Variants in RARS1 observed in about 807,000 individuals in gnomAD.
The protein encoded by RARS1 is arginyl-tRNA synthetase 1.
RARS1 carries 75 observed loss-of-function variants against 78.7 expected under a neutral mutation model. The observed-to-expected ratio is 0.95, with a 90% confidence interval of 0.79 to 1.15. The LOEUF is 1.15. Among genes scored for constraint, RARS1 ranks in the 50% most tolerant of loss-of-function variants. The probability of loss-of-function intolerance (pLI) is 0.00; values close to 1 mark genes in which losing one functional copy is unlikely to be tolerated. For synonymous variants in RARS1, 273 were observed against 268.2 expected, an observed-to-expected ratio of 1.02 and a Z score of -0.18; for missense variants, 787 against 787.5, an observed-to-expected ratio of 1.00 and a Z score of 0.01.
At chr5:168,510,746 TTTA>T (rs1758548284) in intron 12 of RARS1, 60 bp downstream of exon 12, 1 of 1,308,210 alleles carries the variant, frequency 7.6e-7, no homozygotes. Context: ...CATTTTTGTT[TTTA>T]TTGAGAGAAC....
chr5:168,494,431 G>C (rs1758141575), intron 4 of RARS1, 119 bp from the exon 5 acceptor site: 1 of 1,503,430 alleles, frequency 6.7e-7, no homozygotes, highest in Admixed American at 2.2e-5. Context: ...GGCCACAACT[G>C]GTATTGGAAT....
At chr5:168,510,811 C>A in intron 12 of RARS1, 125 bp downstream of exon 12, 1 of 579,872 alleles carries the variant, frequency 1.7e-6, no homozygotes. Context: ...TTATATTGCT[C>A]TGACTTTATT....
rs193466 is a variant in RARS1, at chr5:168,486,598, C to G, written c.45+55C>G. On this transcript the variant is annotated intron_variant, in intron 1 of 14. Coordinates refer to ENST00000231572, the MANE Select transcript of RARS1 (RefSeq NM_002887.4). ...CTGAAAGAGATGGAGCAGGCTCTGA[C>G]TCCTGCCCAAGCGGCTTCGGGGGCG... is the stretch of plus-strand genomic sequence containing the variant. The G allele has an allele frequency of 4.9e-5, 76 of 1,541,858 alleles. No homozygotes were observed. In the South Asian group the frequency reaches 6.6e-4, roughly 13 times the overall value.
In RARS1 at chr5:168,518,071, C is replaced by CATTTTTTTTTTT; in HGVS notation, c.1873+9_1873+10insATTTTTTTTTTT. ...GAAAGATAGACAGACTGGTGAGTGTCTTTTTTTTTTTTTTTTTTTTTTTTA... is the reference window on the plus strand; with the variant it reads ...GAAAGATAGACAGACTGGTGAGTGTCATTTTTTTTTTTTTTTTTTTTTTTTTTTTTTTTTTTA... On this transcript the variant is annotated intron_variant, in intron 14 of 14. Coordinates refer to ENST00000231572, the MANE Select transcript of RARS1 (RefSeq NM_002887.4). 1 of 747,560 alleles carries CATTTTTTTTTTT rather than the reference C, an allele frequency of 1.3e-6. No homozygotes were observed. The highest frequency in any genetic ancestry group is 1.6e-6 in the Non-Finnish European group (1 of 622,936). 46.3% of individuals were successfully genotyped at this position (747,560 alleles called of 1,614,324 possible).
intron 9 of RARS1, among the ~76,000 whole-genome samples, chr5:168,504,105 A>C (rs1758386421): frequency 1.3e-5 from 2 of 149,356 alleles, no homozygotes; most frequent in Admixed American, 1.3e-4. Context: ...AGAGAGGTCG[A>C]GCATGGCAGC....
intron 11 of RARS1, among the ~76,000 whole-genome samples, chr5:168,507,143 CTA>C (rs1220346456): frequency 6.6e-6 from 1 of 152,160 alleles, no homozygotes; most frequent in Non-Finnish European, 1.5e-5. Context: ...ATTTCAGACA[CTA>C]TTCAACAATA....
At position 168,518,092 on chromosome 5, in the gene RARS1, TTTTAG is replaced by T. The variant is rs1001061576; in HGVS notation, c.1873+32_1873+36del. ...GTGTCTTTTTTTTTTTTTTTTTTTTTTTTAGTGAGAGACACGGATCTTGCTCTGTC... is the reference window on the plus strand; with the variant it reads ...GTGTCTTTTTTTTTTTTTTTTTTTTTTGAGAGACACGGATCTTGCTCTGTC... On this transcript the variant is annotated intron_variant, in intron 14 of 14. Transcript: ENST00000231572. The T allele has an allele frequency of 2.1e-6, 3 of 1,424,100 alleles. No individual in the cohort carries two copies. The African/African-American group carries it at 4.7e-5, about 22-fold the overall frequency. 88.2% of individuals were successfully genotyped at this position (1,424,100 alleles called of 1,614,324 possible).
chr5:168,497,616 G>A (rs2152904216), intron 7 of RARS1, among the ~76,000 whole-genome samples: 1 of 152,188 alleles, frequency 6.6e-6, no homozygotes, highest in Non-Finnish European at 1.5e-5. Flanking sequence ...TTCTGGGGAG[G>A]ACTCAGGGAG....
chr5:168,502,384 A>ATATATTTTTTTTTTT (rs1280220276), intron 9 of RARS1, among the ~76,000 whole-genome samples: 4 of 127,248 alleles, frequency 3.1e-5, no homozygotes, highest in African/African-American at 9.5e-5. Context: ...ATATATATAT[A>ATATATTTTTTTTTTT]TTTTTTTTTT....
At chr5:168,497,037 A>G (rs1249044451) in intron 6 of RARS1, 191 bp from the exon 7 acceptor site, 1 of 427,756 alleles carries the variant, frequency 2.3e-6, no homozygotes, top group Non-Finnish European at 4.0e-6. Flanking sequence ...GCTGAATGTA[A>G]CAGACATAGT....
rs115197001 is a variant in RARS1, at chr5:168,490,277, A to G, written c.180+1541A>G. On this transcript the variant is annotated intron_variant, in intron 2 of 14. Transcript: ENST00000231572. ...GTTATGTCATTCATTCTACACTTATATATGTTTAATTCTCTGTTATATTTA... is the reference window on the plus strand; with the variant it reads ...GTTATGTCATTCATTCTACACTTATGTATGTTTAATTCTCTGTTATATTTA... Among the ~76,000 whole-genome samples, 406 of 152,298 alleles carry G rather than the reference A, an allele frequency of 2.7e-3. 3 individuals carry two copies. The highest frequency in any genetic ancestry group is 4.6e-3 in the Non-Finnish European group (311 of 68,030).
At position 168,488,689 on chromosome 5, in the gene RARS1, C is replaced by CAT. The variant is rs746007406; in HGVS notation, c.134_135insTA (p.Gln45HisfsTer6). 6.2e-7 allele frequency: 1 copy of CAT among 1,611,462 alleles called. No homozygotes were observed. Among genetic ancestry groups the CAT allele is most frequent in the African/African-American group, 1.3e-5 (1 of 74,782 alleles). ...AGCTTCTCCAAATTTGGAGCAGTTA[C>CAT]AAGAAGAAAATTTAAAATTAAAGTA... On this transcript the variant is annotated frameshift_variant, in exon 2 of 15. Transcript: ENST00000231572. LOFTEE classifies it high-confidence loss of function.
Position 168,516,817 on chromosome 5 carries a change from G to C in RARS1, c.1492G>C (p.Val498Leu). 1 of 1,614,074 alleles carries C rather than the reference G, an allele frequency of 6.2e-7. No homozygotes were observed. The highest frequency in any genetic ancestry group is 8.5e-7 in the Non-Finnish European group (1 of 1,180,014). ...GGAATTGAATGCTGCTCAGACATCCGTTGCGTATGGCTGCATCAAATATGC... is the reference window on the plus strand; with the variant it reads ...GGAATTGAATGCTGCTCAGACATCCCTTGCGTATGGCTGCATCAAATATGC... ...AEELNAAQTS[V>L]AYGCIKYADL... Residue 498 changes from valine (V) to leucine (L), a missense_variant, in exon 13 of 15, where the codon GTT becomes CTT. Coordinates refer to ENST00000231572, the MANE Select transcript of RARS1 (RefSeq NM_002887.4).
intron 11 of RARS1, among the ~76,000 whole-genome samples, chr5:168,508,246 T>G (rs1758489735): frequency 6.6e-6 from 1 of 152,108 alleles, no homozygotes; most frequent in Non-Finnish European, 1.5e-5. Context: ...GGCTAAAGGA[T>G]TCTTGATAAT....
chr5:168,499,465 G>A (rs1582432480), intron 7 of RARS1, among the ~76,000 whole-genome samples: 1 of 152,170 alleles, frequency 6.6e-6, no homozygotes, highest in Non-Finnish European at 1.5e-5. Context: ...GATGGAGAAT[G>A]TTTCAAGAAT....
At chr5:168,511,481 A>G (rs911288923) in intron 12 of RARS1, among the ~76,000 whole-genome samples, 14 of 152,106 alleles carry the variant, frequency 9.2e-5, no homozygotes, top group Non-Finnish European at 1.5e-4. Flanking sequence ...ACTCACTATC[A>G]CCAAGACAGC....
chr5:168,493,192 CA>C (rs1213598226), intron 3 of RARS1: 1 of 172,458 alleles, frequency 5.8e-6, no homozygotes, highest in Non-Finnish European at 1.2e-5. Flanking sequence ...GTCAGCATCC[CA>C]ATTAAATATT....
chr5:168,486,539 A>G lies in RARS1; in HGVS notation c.41A>G (p.Gln14Arg). 6.4e-7 allele frequency: 1 copy of G among 1,557,590 alleles called. No individual in the cohort carries two copies. The highest frequency in any genetic ancestry group is 8.7e-7 in the Non-Finnish European group (1 of 1,149,740). ...LVSECSARLL[Q>R]QEEEIKSLTA... is the part of the protein sequence containing the mutation. ...TCTGAGTGCTCCGCGCGGCTGCTGC[A>G]GCAGGTTTGGACGCAGGAGACCGGC... is the stretch of plus-strand genomic sequence containing the variant. Residue 14 changes from glutamine (Q) to arginine (R), a missense_variant, in exon 1 of 15, where the codon CAG (glutamine) becomes CGG (arginine). Physicochemically the swap from Gln to Arg is conservative, Grantham distance 43. Coordinates refer to ENST00000231572, the MANE Select transcript of RARS1 (RefSeq NM_002887.4).
chr5:168,510,508 A>G, intron 11 of RARS1, 73 bp from the exon 12 acceptor site: 2 of 1,182,868 alleles, frequency 1.7e-6, no homozygotes, highest in Non-Finnish European at 2.4e-6. Context: ...AGGTCTCTCA[A>G]ACCTTCATTT....
Sources: gnomAD v4.1 joint callset for allele counts (sites outside exome capture counted in the v4.1 genomes callset) on GRCh38, gnomAD v4.1.1 for gene constraint, MANE v1.5 for transcripts, NCBI Gene and HGNC (gene_info 2026-07-23, HGNC 2026-07-21) for gene names.